OPRD1: variants seen among roughly 807,000 people sequenced by gnomAD.
OPRD1 encodes delta-type opioid receptor.
A neutral mutation model predicts 17.5 loss-of-function variants in OPRD1; 19 were observed. The observed-to-expected ratio is 1.09, with a 90% CI of 0.76 to 1.60. OPRD1 has a LOEUF of 1.60. Ranked by LOEUF, OPRD1 falls within the 40% of genes most tolerant of loss-of-function variation. The pLI is 0.00. For missense variants in OPRD1, 483 were observed against 547.2 expected (o/e 0.88, Z 1.17); for synonymous variants, 256 against 240.9 (o/e 1.06, Z -0.58).
intron 1 of OPRD1, among the ~76,000 whole-genome samples, chr1:28,853,780 C>T (rs1305128067): frequency 6.6e-6 from 1 of 150,650 alleles, no homozygotes; most frequent in Non-Finnish European, 1.5e-5. Context: ...AGGGTTTCAC[C>T]TAGTCGCCCA....
intron 1 of OPRD1, among the ~76,000 whole-genome samples, chr1:28,826,867 T>G (rs956329424): frequency 6.6e-6 from 1 of 152,246 alleles, no homozygotes; most frequent in Non-Finnish European, 1.5e-5. Context: ...ACAGTAGAAC[T>G]TTCAAAATTG....
At chr1:28,852,177 AAAAAAAAAAG>A (rs2089010501) in intron 1 of OPRD1, among the ~76,000 whole-genome samples, 1 of 151,072 alleles carries the variant, frequency 6.6e-6, no homozygotes, top group African/African-American at 2.4e-5. Flanking sequence ...AAAAAAAAAA[AAAAAAAAAAG>A]AAAAGAAAGA....
At chr1:28,816,669 G>GA (rs1187448095) in intron 1 of OPRD1, among the ~76,000 whole-genome samples, 2 of 152,126 alleles carry the variant, frequency 1.3e-5, no homozygotes, top group Non-Finnish European at 2.9e-5. Flanking sequence ...GTGGTCCCAA[G>GA]GCAGAGCATC....
At chr1:28,829,298 GC>G (rs57312258) in intron 1 of OPRD1, among the ~76,000 whole-genome samples, 17,830 of 152,110 alleles carry the variant, frequency 0.12, 1,431 homozygotes, top group African/African-American at 0.23. Context: ...GAATGTTGTG[GC>G]TGGCTTGATC....
chr1:28,824,732 T>C (rs1290276877), intron 1 of OPRD1, among the ~76,000 whole-genome samples: 1 of 152,120 alleles, frequency 6.6e-6, no homozygotes, highest in Non-Finnish European at 1.5e-5. Context: ...GTTGCCCCCA[T>C]TGTATACATA....
rs1006612861 is a variant in OPRD1 at position 28,870,218 on chromosome 1, A to G, written c.*6935A>G. 4.7e-5 allele frequency: 7 copies of G among 149,816 alleles called. No individual in the cohort carries two copies. The highest frequency in any genetic ancestry group is 1.7e-4 in the African/African-American group (7 of 40,792). The allele number at this position is 149,816 out of a possible 1,614,324, so 9.3% of individuals were successfully genotyped here. On this transcript the variant is annotated 3_prime_UTR_variant, in exon 3 of 3. Transcript: ENST00000234961. ...ATCTAATGTTTTAGGCCATGCCTGCACCAACCCATGCTTCTTTTTTTTTTT... is the reference window on the plus strand; with the variant it reads ...ATCTAATGTTTTAGGCCATGCCTGCGCCAACCCATGCTTCTTTTTTTTTTT...
intron 1 of OPRD1, among the ~76,000 whole-genome samples, chr1:28,852,859 C>T (rs905257348): frequency 6.6e-6 from 1 of 152,044 alleles, no homozygotes; most frequent in Admixed American, 6.6e-5. Context: ...GCTGAGACTA[C>T]AGGTGCCCGC....
chr1:28,849,356 T>C (rs923610197), intron 1 of OPRD1, among the ~76,000 whole-genome samples: 1 of 152,144 alleles, frequency 6.6e-6, no homozygotes, highest in African/African-American at 2.4e-5. Context: ...GGGAGATTAT[T>C]TTCTGAAGGC....
intron 1 of OPRD1, among the ~76,000 whole-genome samples, chr1:28,855,619 G>A (rs547998060): frequency 8.5e-5 from 13 of 152,312 alleles, no homozygotes; most frequent in South Asian, 6.2e-4. Context: ...GCGCTGGGCC[G>A]CTCAGCCCGC....
At chr1:28,819,639 A>G (rs1239616034) in intron 1 of OPRD1, among the ~76,000 whole-genome samples, 2 of 152,192 alleles carry the variant, frequency 1.3e-5, no homozygotes, top group African/African-American at 4.8e-5. Flanking sequence ...GGGGACAAGA[A>G]GGCTCAGAGG....
chr1:28,820,898 G>C (rs553836624), intron 1 of OPRD1, among the ~76,000 whole-genome samples: 1 of 152,048 alleles, frequency 6.6e-6, no homozygotes, highest in East Asian at 1.9e-4. Flanking sequence ...ACCGCATCTG[G>C]CCTGAGACCC....
intron 1 of OPRD1, among the ~76,000 whole-genome samples, chr1:28,814,273 C>G (rs2088655140): frequency 6.6e-6 from 1 of 152,168 alleles, no homozygotes; most frequent in Non-Finnish European, 1.5e-5. Flanking sequence ...CTTTGAGCCT[C>G]AGTTTCTTCA....
chr1:28,814,017 TTGA>T (rs1394018048), intron 1 of OPRD1, among the ~76,000 whole-genome samples: 1 of 152,116 alleles, frequency 6.6e-6, no homozygotes, highest in Non-Finnish European at 1.5e-5. Context: ...GGCTTCGGCA[TTGA>T]TGATCTCTGG....
rs1300906544 is a variant in OPRD1 at position 28,863,529 on chromosome 1, C to T, written c.*246C>T. On this transcript the variant is annotated 3_prime_UTR_variant, in exon 3 of 3. Coordinates refer to ENST00000234961, the MANE Select transcript of OPRD1 (RefSeq NM_000911.4). ...GCCTCTGGTCTGGGTGCCCCGTCCA[C>T]GGCTCTAGGTGGGGCGGGAAAGCCA... The T allele has an allele frequency of 1.3e-5, 6 of 450,960 alleles. No homozygotes were observed. The highest frequency in any genetic ancestry group is 2.3e-5 in the Non-Finnish European group (6 of 261,202). 27.9% of individuals were successfully genotyped at this position (450,960 alleles called of 1,614,324 possible). A position where few individuals can be genotyped will look rare whatever the true frequency, so the allele number is the denominator to read the frequency against.
intron 1 of OPRD1, among the ~76,000 whole-genome samples, chr1:28,842,475 G>T (rs1278147879): frequency 1.3e-5 from 2 of 152,262 alleles, no homozygotes; most frequent in Admixed American, 6.5e-5. Flanking sequence ...AGGAACAAGT[G>T]TGGATTGAAT....
chr1:28,829,430 G>A (rs1287962961), intron 1 of OPRD1, among the ~76,000 whole-genome samples: 1 of 151,818 alleles, frequency 6.6e-6, no homozygotes, highest in Non-Finnish European at 1.5e-5. Context: ...GTGCAATGGC[G>A]CGATCTCGGC....
chr1:28,812,708 G>A (rs1162069652), intron 1 of OPRD1, 98 bp downstream of exon 1: 1 of 1,126,038 alleles, frequency 8.9e-7, no homozygotes, highest in Non-Finnish European at 1.2e-6. Context: ...GACTCCCCGC[G>A]CCTCCGCATT....
At chr1:28,825,576 G>C (rs2088760697) in intron 1 of OPRD1, among the ~76,000 whole-genome samples, 1 of 152,152 alleles carries the variant, frequency 6.6e-6, no homozygotes, top group Non-Finnish European at 1.5e-5. Flanking sequence ...AGTAGAGACA[G>C]GGTTTCATCA....
chr1:28,863,073 C>A lies in OPRD1; in HGVS notation c.909C>A (p.Cys303Ter). ...DPLVVAALHLCIALGYANSSL... is the reference protein window; with the variant it reads ...DPLVVAALHL Reference sequence around the variant, plus strand: ...TGGTGGTGGCTGCGCTGCACCTGTGCATCGCGCTGGGCTACGCCAATAGCA... The same window carrying A: ...TGGTGGTGGCTGCGCTGCACCTGTGAATCGCGCTGGGCTACGCCAATAGCA... Residue 303 changes from cysteine to a stop codon, truncating the protein, a stop_gained, in exon 3 of 3, where the codon TGC (cysteine) becomes TGA (stop). Transcript: ENST00000234961. LOFTEE classifies it high-confidence loss of function. 6.2e-7 allele frequency: 1 copy of A among 1,607,178 alleles called. No homozygotes were observed. The highest frequency in any genetic ancestry group is 8.5e-7 in the Non-Finnish European group (1 of 1,176,898).
Sources: gnomAD v4.1 joint callset for allele counts (sites outside exome capture counted in the v4.1 genomes callset) on GRCh38, gnomAD v4.1.1 for gene constraint, MANE v1.5 for transcripts, NCBI Gene and HGNC (gene_info 2026-07-23, HGNC 2026-07-21) for gene names.